Variants in THSD7A observed in about 807,000 individuals in gnomAD.
THSD7A encodes thrombospondin type-1 domain-containing protein 7A.
Under a neutral mutation model 231.3 loss-of-function variants are expected in THSD7A, and 96 were observed. The ratio of observed to expected loss-of-function variants is 0.41; its 90% CI spans 0.35 to 0.49. THSD7A has a LOEUF of 0.49. THSD7A is among the 20% of genes least tolerant of loss of function. The probability of loss-of-function intolerance (pLI) is 0.05; values close to 1 mark genes in which losing one functional copy is unlikely to be tolerated. For synonymous variants in THSD7A, 940 were observed against 743.3 expected, an observed-to-expected ratio of 1.26 and a Z score of -4.30; for missense variants, 2,290 against 2,070.2, an observed-to-expected ratio of 1.11 and a Z score of -2.06.
At chr7:11,378,753 T>A (rs879102410) in intron 26 of THSD7A, 1 of 301,140 alleles carries the variant, frequency 3.3e-6, no homozygotes, top group African/African-American at 2.2e-5. Flanking sequence ...CAACACATTT[T>A]TTAAAATTCA....
chr7:11,461,880 G>T, intron 10 of THSD7A, 131 bp downstream of exon 10: 1 of 1,186,758 alleles, frequency 8.4e-7, no homozygotes, highest in Non-Finnish European at 1.2e-6. Flanking sequence ...GGCAGCTACA[G>T]CCATAAACAT....
At chr7:11,764,474 G>A (rs1449480268) in intron 1 of THSD7A, among the ~76,000 whole-genome samples, 2 of 151,582 alleles carry the variant, frequency 1.3e-5, no homozygotes, top group African/African-American at 4.8e-5. Flanking sequence ...CCAGCTACTC[G>A]GGAGGCTGAG....
At chr7:11,451,979 A>C (rs150687300) in intron 11 of THSD7A, among the ~76,000 whole-genome samples, 32 of 152,164 alleles carry the variant, frequency 2.1e-4, no homozygotes, top group Non-Finnish European at 3.7e-4. Flanking sequence ...AAATGGGCAC[A>C]TAGAAGTTCA....
At chr7:11,656,394 G>C (rs1782706525) in intron 1 of THSD7A, among the ~76,000 whole-genome samples, 2 of 151,802 alleles carry the variant, frequency 1.3e-5, no homozygotes, top group Admixed American at 1.3e-4. Flanking sequence ...CTCATTGTCT[G>C]CTAAGGTACA....
intron 19 of THSD7A, among the ~76,000 whole-genome samples, chr7:11,410,017 G>A (rs1200311876): frequency 6.6e-6 from 1 of 152,086 alleles, no homozygotes; most frequent in African/African-American, 2.4e-5. Flanking sequence ...GCTGGGATTA[G>A]AGGCTTGAGC....
Position 11,637,228 on chromosome 7 carries a change from C to A in THSD7A, c.191-267G>T, listed in dbSNP as rs1029175195. On this transcript the variant is annotated intron_variant, in intron 1 of 27. Transcript: ENST00000423059. The surrounding 1 kb of genome is among the most constrained non-coding windows in gnomAD (Gnocchi z 4.2). ...GGATTACGAAAAGTTTGGTTTTGTT[C>A]ATTTCCTTTGTTTTAGGTAGTTAGA... Among the ~76,000 whole-genome samples the A allele has an allele frequency of 1.3e-5, 2 of 152,108 alleles. No homozygotes were observed. The highest frequency in any genetic ancestry group is 1.9e-4 in the East Asian group (1 of 5,186).
chr7:11,805,626 C>A lies in THSD7A; in HGVS notation c.190+26131G>T, dbSNP rs112902982. Among the ~76,000 whole-genome samples the A allele has an allele frequency of 8.3e-3, 1,267 of 152,136 alleles. 19 individuals are homozygous for A. Among genetic ancestry groups the A allele is most frequent in the African/African-American group, 0.029 (1,185 of 41,538 alleles). On this transcript the variant is annotated intron_variant, in intron 1 of 27. Transcript: ENST00000423059. ...AAGGGATTTATTGATAATTTTTATT[C>A]ATTCACATATCATTATATGGTTTTA...
At chr7:11,614,071 G>C (rs1781025272) in intron 2 of THSD7A, among the ~76,000 whole-genome samples, 1 of 152,106 alleles carries the variant, frequency 6.6e-6, no homozygotes, top group African/African-American at 2.4e-5. Context: ...GTGCCAACTG[G>C]GAAATAATTA....
At chr7:11,581,598 C>A (rs1791169252) in intron 4 of THSD7A, among the ~76,000 whole-genome samples, 1 of 152,034 alleles carries the variant, frequency 6.6e-6, no homozygotes, top group Non-Finnish European at 1.5e-5. Context: ...CAATTGCTTT[C>A]ATGCTTCATT....
At chr7:11,781,045 G>C (rs1783613467) in intron 1 of THSD7A, among the ~76,000 whole-genome samples, 1 of 120,142 alleles carries the variant, frequency 8.3e-6, no homozygotes, top group South Asian at 2.8e-4. Flanking sequence ...AAAATTTATA[G>C]GGAGAATTAT....
intron 5 of THSD7A, 116 bp from the exon 6 acceptor site, chr7:11,541,747 G>T: frequency 3.2e-6 from 3 of 948,686 alleles, no homozygotes; most frequent in Non-Finnish European, 4.8e-6. Flanking sequence ...AGTCATTTCT[G>T]TTTTGAGTCA....
chr7:11,565,315 CT>C (rs1404528476), intron 4 of THSD7A, among the ~76,000 whole-genome samples: 2 of 152,306 alleles, frequency 1.3e-5, no homozygotes, highest in African/African-American at 4.8e-5. Context: ...CAAAAAAGTT[CT>C]GCAAACAGCT....
chr7:11,786,586 AT>A (rs1783800172), intron 1 of THSD7A, among the ~76,000 whole-genome samples: 1 of 146,608 alleles, frequency 6.8e-6, no homozygotes, highest in South Asian at 2.1e-4. Flanking sequence ...TGATATATAT[AT>A]TTTAGCCACA....
intron 1 of THSD7A, among the ~76,000 whole-genome samples, chr7:11,760,749 A>G (rs1782828791): frequency 2.0e-5 from 3 of 152,026 alleles, no homozygotes; most frequent in Non-Finnish European, 4.4e-5. Flanking sequence ...CCAGTTTAAA[A>G]CCATATAATC....
intron 4 of THSD7A, among the ~76,000 whole-genome samples, chr7:11,569,556 G>A (rs1201668239): frequency 6.6e-6 from 1 of 152,156 alleles, no homozygotes; most frequent in Non-Finnish European, 1.5e-5. Flanking sequence ...AGAGAAAAGT[G>A]AACAAGAGTT....
chr7:11,523,673 G>A (rs1248460592), intron 6 of THSD7A, among the ~76,000 whole-genome samples: 2 of 152,014 alleles, frequency 1.3e-5, no homozygotes, highest in East Asian at 3.9e-4. Context: ...AAGTTGTCTG[G>A]ACCTGGTGAA....
chr7:11,633,644 T>C (rs955868636), intron 2 of THSD7A, among the ~76,000 whole-genome samples: 18 of 152,198 alleles, frequency 1.2e-4, no homozygotes, highest in African/African-American at 4.3e-4. Context: ...AATTTCTGTA[T>C]CAACTGTGGT....
chr7:11,391,979 A>G (rs1783000797), intron 23 of THSD7A, among the ~76,000 whole-genome samples: 2 of 152,216 alleles, frequency 1.3e-5, no homozygotes, highest in South Asian at 4.1e-4. Flanking sequence ...TTGGAAATGT[A>G]GAAATCACCC....
At chr7:11,416,407 T>C (rs907242291) in intron 17 of THSD7A, among the ~76,000 whole-genome samples, 3 of 152,206 alleles carry the variant, frequency 2.0e-5, no homozygotes, top group African/African-American at 7.2e-5. Flanking sequence ...ACAGACAGTG[T>C]AGCATATAGC....
Sources: gnomAD v4.1 joint callset for allele counts (sites outside exome capture counted in the v4.1 genomes callset) on GRCh38, gnomAD v4.1.1 for gene constraint, Gnocchi (gnomAD v3.1) non-coding constraint, MANE v1.5 for transcripts, NCBI Gene and HGNC (gene_info 2026-07-23, HGNC 2026-07-21) for gene names.